Variants in ZNF26 observed in about 807,000 individuals in gnomAD.
The protein encoded by ZNF26 is epididymis luminal protein 179.
Under a neutral mutation model 54.9 loss-of-function variants are expected in ZNF26, and 32 were observed. That is an observed-to-expected ratio of 0.58 (90% CI 0.44 to 0.78). The LOEUF (loss-of-function observed/expected upper bound fraction) is 0.78. ZNF26 is among the 30% of genes least tolerant of loss of function. ZNF26 has a pLI of 0.00. For missense variants in ZNF26, 524 were observed against 634.0 expected, an observed-to-expected ratio of 0.83 and a Z score of 1.86; for synonymous variants, 221 against 209.2, an observed-to-expected ratio of 1.06 and a Z score of -0.49.
chr12:132,989,271 C>T (rs999613423), intron 1 of ZNF26, among the ~76,000 whole-genome samples: 2 of 151,966 alleles, frequency 1.3e-5, no homozygotes, highest in Admixed American at 6.6e-5. Flanking sequence ...CTCCTGACCT[C>T]GTGATCAGCC....
In ZNF26 at chr12:133,010,497, ATG is replaced by A; in HGVS notation, c.621_622del (p.Cys207Ter). The A allele has an allele frequency of 6.2e-7, 1 of 1,614,028 alleles. No homozygotes were observed. Among genetic ancestry groups the A allele is most frequent in the Non-Finnish European group, 8.5e-7 (1 of 1,179,988 alleles). On this transcript the variant is annotated frameshift_variant, in exon 4 of 4. Transcript: ENST00000328654. LOFTEE classifies it high-confidence loss of function. ...GAGAGAGACCTTATGAATGCAGTAAATGTGAAAGAGCCTTCAGTGCCAAGTCA... is the reference window on the plus strand; with the variant it reads ...GAGAGAGACCTTATGAATGCAGTAAATGAAAGAGCCTTCAGTGCCAAGTCA... ...TGERPYECSKCERAFSAKSNL... is the reference protein window; with the variant it reads ...TGERPYECSKXERAFSAKSNL...
rs1158091368 is a variant in ZNF26 at position 133,019,939 on chromosome 12, T to C, written c.*8458T>C. On this transcript the variant is annotated 3_prime_UTR_variant, in exon 4 of 4. Coordinates refer to ENST00000328654, the MANE Select transcript of ZNF26 (RefSeq NM_019591.4). ...GGTGAAACCCCGTCTCTACTAAAAA[T>C]ACAAAAGTTAGCGGGGTGTGGTGGC... The C allele has an allele frequency of 6.6e-6, 1 of 152,030 alleles. No individual in the cohort carries two copies. Among genetic ancestry groups the C allele is most frequent in the Non-Finnish European group, 1.5e-5 (1 of 68,036 alleles). 9.4% of individuals were successfully genotyped at this position (152,030 alleles called of 1,614,324 possible). A position where few individuals can be genotyped will look rare whatever the true frequency, so the allele number is the denominator to read the frequency against.
intron 1 of ZNF26, among the ~76,000 whole-genome samples, chr12:132,992,933 G>T (rs1474989235): frequency 2.0e-5 from 3 of 150,654 alleles, no homozygotes; most frequent in African/African-American, 7.3e-5. Context: ...TAAGTTCAAA[G>T]ATTTTTTTCC....
rs1953569927 is a variant in ZNF26, at chr12:133,016,619, T to TG, written c.*5139dup. The TG allele has an allele frequency of 6.7e-6, 1 of 148,356 alleles. No homozygotes were observed. Among genetic ancestry groups the TG allele is most frequent in the Non-Finnish European group, 1.5e-5 (1 of 67,256 alleles). 9.2% of individuals were successfully genotyped at this position (148,356 alleles called of 1,614,324 possible). ...GGACAACAAAGCAAAACCCCATCTC[T>TG]GAAAAAAAAAAAATACCCCGGGATG... On this transcript the variant is annotated 3_prime_UTR_variant, in exon 4 of 4. Transcript: ENST00000328654.
intron 1 of ZNF26, among the ~76,000 whole-genome samples, chr12:132,988,516 G>T (rs1952876880): frequency 6.6e-6 from 1 of 152,108 alleles, no homozygotes; most frequent in Admixed American, 6.6e-5. Flanking sequence ...AGCATTGGTG[G>T]GATAACAGGT....
intron 1 of ZNF26, chr12:133,006,669 G>T: frequency 6.1e-6 from 1 of 163,980 alleles, no homozygotes; most frequent in Non-Finnish European, 1.3e-5. Flanking sequence ...ATTTTGGCTT[G>T]CTGCAACCTC....
chr12:133,024,496 A>G lies in ZNF26; in HGVS notation c.*13015A>G, dbSNP rs4758899. 140,046 of 152,228 alleles carry G rather than the reference A, an allele frequency of 0.92. 64,757 individuals carry two copies. The highest frequency in any genetic ancestry group is 1 in the East Asian group (5,175 of 5,182). The allele number at this position is 152,228 out of a possible 1,614,324, so 9.4% of individuals were successfully genotyped here. A position where few individuals can be genotyped will look rare whatever the true frequency, so the allele number is the denominator to read the frequency against. ...CCTGGCTCCTCATTGCTTATAATAAAATGAGAGGAAAGAGAACTAAAAAAT... is the reference window on the plus strand; with the variant it reads ...CCTGGCTCCTCATTGCTTATAATAAGATGAGAGGAAAGAGAACTAAAAAAT... On this transcript the variant is annotated 3_prime_UTR_variant, in exon 4 of 4. Transcript: ENST00000328654.
Position 133,023,735 on chromosome 12 carries a change from CT to C in ZNF26, c.*12256del, listed in dbSNP as rs1408037243. Reference sequence around the variant, plus strand: ...TGCCCCATCCTTTGAGTTTTGTTGGCTTGTGAGTCACTTGTAGCCAAAAGAA... The same window carrying C: ...TGCCCCATCCTTTGAGTTTTGTTGGCTGTGAGTCACTTGTAGCCAAAAGAA... On this transcript the variant is annotated 3_prime_UTR_variant, in exon 4 of 4. Coordinates refer to ENST00000328654, the MANE Select transcript of ZNF26 (RefSeq NM_019591.4). 1 of 152,180 alleles carries C rather than the reference CT, an allele frequency of 6.6e-6. No individual in the cohort carries two copies. The highest frequency in any genetic ancestry group is 6.6e-5 in the Admixed American group (1 of 15,266). The allele number at this position is 152,180 out of a possible 1,614,324, so 9.4% of individuals were successfully genotyped here. A position where few individuals can be genotyped will look rare whatever the true frequency, so the allele number is the denominator to read the frequency against.
At position 133,011,174 on chromosome 12, in the gene ZNF26, A is replaced by T. The variant is rs1380516847; in HGVS notation, c.1295A>T (p.Glu432Val). ...GERPYECSLC[E>V]RAFCGKSQLI... ...AGACCCTATGAATGTAGTTTGTGTG[A>T]GAGAGCCTTTTGTGGAAAATCACAG... Residue 432 changes from glutamate (E) to valine (V), a missense_variant, in exon 4 of 4, where the codon GAG (glutamate) becomes GTG (valine). By Grantham distance (121) the Glu-to-Val change is moderately radical. Coordinates refer to ENST00000328654, the MANE Select transcript of ZNF26 (RefSeq NM_019591.4). 6.2e-7 allele frequency: 1 copy of T among 1,614,110 alleles called. No individual in the cohort carries two copies. Among genetic ancestry groups the T allele is most frequent in the Admixed American group, 1.7e-5 (1 of 60,008 alleles).
At chr12:132,991,184 G>A (rs1952944156) in intron 1 of ZNF26, among the ~76,000 whole-genome samples, 1 of 150,940 alleles carries the variant, frequency 6.6e-6, no homozygotes, top group Non-Finnish European at 1.5e-5. Flanking sequence ...AACAGACTAG[G>A]TCAACTAAGT....
rs1953580667 is a variant in ZNF26 at position 133,017,465 on chromosome 12, C to G, written c.*5984C>G. 6.6e-6 allele frequency: 1 copy of G among 152,164 alleles called. No individual in the cohort carries two copies. The highest frequency in any genetic ancestry group is 2.4e-5 in the African/African-American group (1 of 41,432). 9.4% of individuals were successfully genotyped at this position (152,164 alleles called of 1,614,324 possible). A position where few individuals can be genotyped will look rare whatever the true frequency, so the allele number is the denominator to read the frequency against. ...CCTCCAAGATGCAGTCCTGGAATCA[C>G]AGACTTTTATCTGGTAGTGATTCCT... On this transcript the variant is annotated 3_prime_UTR_variant, in exon 4 of 4. Coordinates refer to ENST00000328654, the MANE Select transcript of ZNF26 (RefSeq NM_019591.4).
At position 133,001,614 on chromosome 12, in the gene ZNF26, G is replaced by T. The variant is rs1953220955; in HGVS notation, c.34-5428G>T. On this transcript the variant is annotated intron_variant, in intron 1 of 3. Transcript: ENST00000328654. This position sits in a 1 kb window ranked among gnomAD's most constrained non-coding sequence, Gnocchi z 4.7. ...AAGTCCACTCACTGCCTCTTCCCCT[G>T]GGGTCTCCCTCCCTGCAGGTAGTGC... The T allele has an allele frequency of 1.6e-6, 2 of 1,278,602 alleles. No individual in the cohort carries two copies. The highest frequency in any genetic ancestry group is 4.6e-5 in the Admixed American group (2 of 43,512). 79.2% of individuals were successfully genotyped at this position (1,278,602 alleles called of 1,614,324 possible).
rs975541205 is a variant in ZNF26, at chr12:133,024,750, A to G, written c.*13269A>G. ...CTGTGAGCCCTCTCTCATAAGCAAC[A>G]GAACTGCTAAGAATTTTAAGGGTGA... On this transcript the variant is annotated 3_prime_UTR_variant, in exon 4 of 4. Transcript: ENST00000328654. The G allele has an allele frequency of 1.3e-5, 2 of 152,220 alleles. No individual in the cohort carries two copies. Among genetic ancestry groups the G allele is most frequent in the South Asian group, 2.1e-4 (1 of 4,836 alleles). The allele number at this position is 152,220 out of a possible 1,614,324, so 9.4% of individuals were successfully genotyped here. A position where few individuals can be genotyped will look rare whatever the true frequency, so the allele number is the denominator to read the frequency against.
rs1189448366 is a variant in ZNF26 at position 133,013,161 on chromosome 12, CA to C, written c.*1681del. 2.0e-5 allele frequency: 3 copies of C among 152,276 alleles called. No homozygotes were observed. Among genetic ancestry groups the C allele is most frequent in the East Asian group, 3.9e-4 (2 of 5,188 alleles). 9.4% of individuals were successfully genotyped at this position (152,276 alleles called of 1,614,324 possible). On this transcript the variant is annotated 3_prime_UTR_variant, in exon 4 of 4. Transcript: ENST00000328654. ...TTTAAATTTATGAGAAAATCTGAGA[CA>C]GGGGCAGAGATGGCTGATTTTGATC...
rs911868174 is a variant in ZNF26 at position 133,026,508 on chromosome 12, A to T, written c.*15027A>T. ...ACCAACCCATAAAAAGGACAACTTC[A>T]TATAGTTCAACTTTTTTTTTTTTTT... is the stretch of plus-strand genomic sequence containing the variant. On this transcript the variant is annotated 3_prime_UTR_variant, in exon 4 of 4. Transcript: ENST00000328654. The T allele has an allele frequency of 7.2e-6, 1 of 138,666 alleles. No homozygotes were observed. The highest frequency in any genetic ancestry group is 2.3e-4 in the South Asian group (1 of 4,268). 8.6% of individuals were successfully genotyped at this position (138,666 alleles called of 1,614,324 possible).
intron 1 of ZNF26, chr12:132,987,809 A>G: frequency 1.2e-6 from 1 of 829,758 alleles, no homozygotes; most frequent in African/African-American, 1.8e-5. Flanking sequence ...CACACGGTGG[A>G]GAAAGGCTGT....
In ZNF26 at chr12:133,025,090, G is replaced by A. The variant is rs1261717274; in HGVS notation, c.*13609G>A. ...AGAGGGTAGAGCAAAGAGCCATGGA[G>A]GAGAAGTCCAAGAAAGCAGAACCAA... On this transcript the variant is annotated 3_prime_UTR_variant, in exon 4 of 4. Transcript: ENST00000328654. The A allele has an allele frequency of 6.6e-6, 1 of 152,224 alleles. No individual in the cohort carries two copies. Among genetic ancestry groups the A allele is most frequent in the Non-Finnish European group, 1.5e-5 (1 of 68,054 alleles). The allele number at this position is 152,224 out of a possible 1,614,324, so 9.4% of individuals were successfully genotyped here.
At chr12:132,990,010 G>T (rs900061281) in intron 1 of ZNF26, among the ~76,000 whole-genome samples, 11 of 151,996 alleles carry the variant, frequency 7.2e-5, no homozygotes, top group Non-Finnish European at 1.3e-4. Flanking sequence ...TTTTTTTCTG[G>T]GCCAGATGTG....
In ZNF26 at chr12:133,002,610, G is replaced by A. The variant is rs1953242798; in HGVS notation, c.34-4432G>A. Among the ~76,000 whole-genome samples, 3 of 151,118 alleles carry A rather than the reference G, an allele frequency of 2.0e-5. No homozygotes were observed. The South Asian group carries it at 6.3e-4, about 32-fold the overall frequency. On this transcript the variant is annotated intron_variant, in intron 1 of 3. Transcript: ENST00000328654. ...TCATGACTCTGTCCCTTACCTGCTT[G>A]GATTTTTTGTTTGTTTTTTGTTTTT... is the stretch of plus-strand genomic sequence containing the variant.
Sources: allele counts gnomAD v4.1 joint callset (sites outside exome capture counted in the v4.1 genomes callset), GRCh38; gene constraint gnomAD v4.1.1; non-coding constraint Gnocchi (gnomAD v3.1); transcripts MANE v1.5; gene names NCBI Gene and HGNC (gene_info 2026-07-23, HGNC 2026-07-21).